AP2S1: variants seen among roughly 807,000 people sequenced by gnomAD.
The protein encoded by AP2S1 is adaptor related protein complex 2 subunit sigma 1.
A neutral mutation model predicts 21.0 loss-of-function variants in AP2S1; 6 were observed. That is an observed-to-expected ratio of 0.29 (90% CI 0.16 to 0.56). The LOEUF (loss-of-function observed/expected upper bound fraction) is 0.56. AP2S1 is among the 20% of genes least tolerant of loss of function. The probability of loss-of-function intolerance (pLI) is 0.92; values close to 1 mark genes in which losing one functional copy is unlikely to be tolerated. For missense variants in AP2S1, 60 were observed against 186.2 expected, an observed-to-expected ratio of 0.32 and a Z score of 3.95; for synonymous variants, 63 against 74.6, an observed-to-expected ratio of 0.84 and a Z score of 0.80.
At chr19:46,849,767 C>T (rs1223857977) in intron 1 of AP2S1, among the ~76,000 whole-genome samples, 1 of 152,044 alleles carries the variant, frequency 6.6e-6, no homozygotes, top group African/African-American at 2.4e-5. Flanking sequence ...GTCTCAGTTC[C>T]CCTCCTTGGG....
chr19:46,845,962 C>T (rs750854506), intron 2 of AP2S1, 31 bp downstream of exon 2: 39 of 1,612,494 alleles, frequency 2.4e-5, no homozygotes, highest in Non-Finnish European at 3.3e-5. Context: ...GAGGAAGCAG[C>T]GGGGTGCAGG....
chr19:46,838,906 G>C lies in AP2S1; in HGVS notation c.268-107C>G. The C allele has an allele frequency of 3.2e-6, 3 of 923,712 alleles. No individual in the cohort carries two copies. Among genetic ancestry groups the C allele is most frequent in the Non-Finnish European group, 5.1e-6 (3 of 583,202 alleles). The allele number at this position is 923,712 out of a possible 1,614,324, so 57.2% of individuals were successfully genotyped here. ...AAGAGACAGCAAAAAAAGAGACCAA[G>C]GGGGAGGCAGGGGAGAGAGAGAGAC... On this transcript the variant is annotated intron_variant, in intron 3 of 4. Coordinates refer to ENST00000263270, the MANE Select transcript of AP2S1 (RefSeq NM_004069.6). This position sits in a 1 kb window ranked among gnomAD's most constrained non-coding sequence, Gnocchi z 4.1.
intron 2 of AP2S1, 143 bp downstream of exon 2, chr19:46,845,846 GAAGC>G: frequency 9.9e-7 from 1 of 1,005,608 alleles, no homozygotes; most frequent in Non-Finnish European, 1.4e-6. Flanking sequence ...AGGAAGGGAA[GAAGC>G]AAGCAAGCTC....
At chr19:46,846,702 G>C (rs1037573361) in intron 1 of AP2S1, among the ~76,000 whole-genome samples, 5 of 152,118 alleles carry the variant, frequency 3.3e-5, no homozygotes, top group African/African-American at 1.2e-4. Context: ...GTCTCATTCT[G>C]TCACCCAGGC....
chr19:46,842,510 G>C (rs1464478708), intron 2 of AP2S1, among the ~76,000 whole-genome samples: 1 of 152,174 alleles, frequency 6.6e-6, no homozygotes, highest in African/African-American at 2.4e-5. Flanking sequence ...TGAATGAATG[G>C]GCGGGCCTGG....
At chr19:46,839,249 T>C (rs1413782681) in intron 3 of AP2S1, among the ~76,000 whole-genome samples, 2 of 123,128 alleles carry the variant, frequency 1.6e-5, no homozygotes, top group South Asian at 2.5e-4. Flanking sequence ...ATTGCACCAC[T>C]GCACTCCAGC....
intron 1 of AP2S1, among the ~76,000 whole-genome samples, chr19:46,846,932 T>C (rs553489962): frequency 7.9e-5 from 12 of 152,144 alleles, no homozygotes; most frequent in Admixed American, 2.0e-4. Flanking sequence ...TCCCAAAGTG[T>C]GGGGTTATAG....
rs2055477857 is a variant in AP2S1 at position 46,839,474 on chromosome 19, G to A, written c.258C>T (p.Asn86=). 1 of 1,412,344 alleles carries A rather than the reference G, an allele frequency of 7.1e-7. No homozygotes were observed. Among genetic ancestry groups the A allele is most frequent in the African/African-American group, 1.5e-5 (1 of 68,284 alleles). The allele number at this position is 1,412,344 out of a possible 1,614,324, so 87.5% of individuals were successfully genotyped here. Residue 86 remains asparagine (N), a synonymous_variant, in exon 3 of 5, where the codon AAC becomes AAT. Coordinates refer to ENST00000263270, the MANE Select transcript of AP2S1 (RefSeq NM_004069.6). Reference sequence around the variant, plus strand: ...CCCTCTCCCGCCGTACCTCCACGAAGTTGTGAATGGCCTCCAGGTAAGCCA... The same window carrying A: ...CCCTCTCCCGCCGTACCTCCACGAAATTGTGAATGGCCTCCAGGTAAGCCA... The part of the protein sequence containing the change: ...NNLAYLEAIH[N]FVEVLNEYFH...
rs1229404009 is a variant in AP2S1, at chr19:46,846,441, G to GTTTTTTTTT, written c.4-308_4-300dup. ...CCTCCACCACCTCTTATCTCTCTCT[G>GTTTTTTTTT]TTTTTTTTTTTTTTTTTTTTTGTAG... is the stretch of plus-strand genomic sequence containing the variant. On this transcript the variant is annotated intron_variant, in intron 1 of 4. Transcript: ENST00000263270. Among the ~76,000 whole-genome samples the GTTTTTTTTT allele has an allele frequency of 2.9e-5, 3 of 104,658 alleles. 1 individual carries two copies. Among genetic ancestry groups the GTTTTTTTTT allele is most frequent in the African/African-American group, 1.3e-4 (3 of 23,708 alleles). The allele number at this position is 104,658 out of a possible 152,430, so 68.7% of individuals were successfully genotyped here. A position where few individuals can be genotyped will look rare whatever the true frequency, so the allele number is the denominator to read the frequency against.
intron 2 of AP2S1, among the ~76,000 whole-genome samples, chr19:46,840,791 C>CA (rs2055506962): frequency 6.8e-6 from 1 of 146,698 alleles, no homozygotes; most frequent in Non-Finnish European, 1.5e-5. Flanking sequence ...GATCTCGGCT[C>CA]ACTGCAATCT....
chr19:46,848,234 T>TG (rs1176689477), intron 1 of AP2S1, among the ~76,000 whole-genome samples: 5 of 151,614 alleles, frequency 3.3e-5, no homozygotes, highest in East Asian at 1.9e-4. Flanking sequence ...CCAGGTGTGA[T>TG]GGGGGGCAGG....
chr19:46,850,368 T>TCCCAGCGCTCCCGC (rs1265313080), intron 1 of AP2S1: 28 of 1,243,998 alleles, frequency 2.3e-5, no homozygotes, highest in Non-Finnish European at 2.8e-5. Flanking sequence ...CGCGTTCTCG[T>TCCCAGCGCTCCCGC]CCCAGCGCTC....
intron 2 of AP2S1, among the ~76,000 whole-genome samples, chr19:46,842,021 CAT>C (rs1360892406): frequency 1.3e-5 from 2 of 152,070 alleles, no homozygotes; most frequent in African/African-American, 4.8e-5. Flanking sequence ...CTCTATAAAA[CAT>C]ACAAAAAATT....
Position 46,838,891 on chromosome 19 carries a change from A to G in AP2S1, c.268-92T>C, listed in dbSNP as rs749803991. Reference sequence around the variant, plus strand: ...AACAAGGTCATCAGAAAGAGACAGCAAAAAAAGAGACCAAGGGGGAGGCAG... The same window carrying G: ...AACAAGGTCATCAGAAAGAGACAGCGAAAAAAGAGACCAAGGGGGAGGCAG... On this transcript the variant is annotated intron_variant, in intron 3 of 4. Coordinates refer to ENST00000263270, the MANE Select transcript of AP2S1 (RefSeq NM_004069.6). This position sits in a 1 kb window ranked among gnomAD's most constrained non-coding sequence, Gnocchi z 4.1. 527 of 1,203,016 alleles carry G rather than the reference A, an allele frequency of 4.4e-4. 1 individual carries two copies. Among genetic ancestry groups the G allele is most frequent in the Non-Finnish European group, 5.4e-4 (448 of 823,946 alleles). The allele number at this position is 1,203,016 out of a possible 1,614,324, so 74.5% of individuals were successfully genotyped here. A position where few individuals can be genotyped will look rare whatever the true frequency, so the allele number is the denominator to read the frequency against.
chr19:46,850,729 C>T (rs775721330), intron 1 of AP2S1, 35 bp downstream of exon 1: 2 of 1,533,426 alleles, frequency 1.3e-6, no homozygotes, highest in East Asian at 2.3e-5. Context: ...TGGGCCCCCC[C>T]TCCGCCAGTC....
At chr19:46,846,944 C>T (rs927928384) in intron 1 of AP2S1, among the ~76,000 whole-genome samples, 4 of 152,290 alleles carry the variant, frequency 2.6e-5, no homozygotes, top group Non-Finnish European at 4.4e-5. Flanking sequence ...GGGTTATAGG[C>T]ATGGGCCACC....
intron 2 of AP2S1, 134 bp downstream of exon 2, chr19:46,845,859 T>G: frequency 8.5e-7 from 1 of 1,177,012 alleles, no homozygotes. Context: ...GCAAGCAAGC[T>G]CAAAGCAGGT....
Position 46,838,805 on chromosome 19 carries a change from A to G in AP2S1, c.268-6T>C, listed in dbSNP as rs1248312229. ...TGGAAATATTCGTTTAAGACCTGGG[A>G]GAGGAAGGCAGAGATGGTAAGAGAT... On this transcript the variant is annotated splice_region_variant and splice_polypyrimidine_tract_variant and intron_variant, in intron 3 of 4. Transcript: ENST00000263270. The surrounding 1 kb of genome is among the most constrained non-coding windows in gnomAD (Gnocchi z 4.1). The G allele has an allele frequency of 1.2e-5, 20 of 1,611,248 alleles. No homozygotes were observed. The highest frequency in any genetic ancestry group is 2.7e-5 in the African/African-American group (2 of 74,850).
At chr19:46,844,272 C>T (rs1275606106) in intron 2 of AP2S1, among the ~76,000 whole-genome samples, 1 of 152,158 alleles carries the variant, frequency 6.6e-6, no homozygotes, top group African/African-American at 2.4e-5. Context: ...TGCAGCCCTG[C>T]ACCAAGAGAT....
Sources: gnomAD v4.1 joint callset for allele counts (sites outside exome capture counted in the v4.1 genomes callset) on GRCh38, gnomAD v4.1.1 for gene constraint, Gnocchi (gnomAD v3.1) non-coding constraint, MANE v1.5 for transcripts, NCBI Gene and HGNC (gene_info 2026-07-23, HGNC 2026-07-21) for gene names.